The following SLC25A24 variants were observed in gnomAD, a reference collection of about 807,000 sequenced individuals.
SLC25A24 encodes mitochondrial adenyl nucleotide antiporter SLC25A24.
A neutral mutation model predicts 60.7 loss-of-function variants in SLC25A24; 49 were observed. The observed-to-expected ratio is 0.81, with a 90% CI of 0.64 to 1.02. The LOEUF (loss-of-function observed/expected upper bound fraction) is 1.02. Among genes scored for constraint, SLC25A24 ranks in the 50% least tolerant of loss-of-function variants. The probability of loss-of-function intolerance (pLI) is 0.00; values close to 1 mark genes in which losing one functional copy is unlikely to be tolerated. For synonymous variants in SLC25A24, 202 were observed against 200.6 expected (o/e 1.01, Z -0.06); for missense variants, 564 against 586.3 (o/e 0.96, Z 0.39).
At chr1:108,143,789 G>T in intron 7 of SLC25A24, 79 bp from the exon 8 acceptor site, 1 of 1,075,426 alleles carries the variant, frequency 9.3e-7, no homozygotes, top group Non-Finnish European at 1.4e-6. Flanking sequence ...AATTTTACAT[G>T]GAACAAATAC....
At chr1:108,184,409 G>A (rs1648047826) in intron 2 of SLC25A24, among the ~76,000 whole-genome samples, 1 of 152,212 alleles carries the variant, frequency 6.6e-6, no homozygotes, top group Admixed American at 6.5e-5. Flanking sequence ...ACTAAGGCTA[G>A]ACTTAGGGGC....
At chr1:108,146,557 A>G (rs1156809078) in intron 7 of SLC25A24, among the ~76,000 whole-genome samples, 1 of 152,216 alleles carries the variant, frequency 6.6e-6, no homozygotes, top group African/African-American at 2.4e-5. Context: ...TGGGTTTGTC[A>G]TAAACAGCTC....
chr1:108,163,087 C>A (rs1177969242), intron 3 of SLC25A24, among the ~76,000 whole-genome samples: 1 of 131,940 alleles, frequency 7.6e-6, no homozygotes, highest in Non-Finnish European at 1.6e-5. Context: ...TCAGGTTTGT[C>A]AAAGATCAGA....
intron 5 of SLC25A24, 119 bp downstream of exon 5, chr1:108,157,343 T>C (rs1679928772): frequency 3.7e-6 from 4 of 1,088,804 alleles, no homozygotes; most frequent in Non-Finnish European, 5.1e-6. Flanking sequence ...AATAGATTTA[T>C]TTTTTAGGGT....
chr1:108,175,747 C>T (rs1201616229), intron 3 of SLC25A24, among the ~76,000 whole-genome samples: 1 of 151,990 alleles, frequency 6.6e-6, no homozygotes, highest in African/African-American at 2.4e-5. Context: ...ATTCATATAG[C>T]TATGGAGAAA....
chr1:108,192,929 G>A (rs1648392059), intron 1 of SLC25A24: 1 of 335,342 alleles, frequency 3.0e-6, no homozygotes, highest in Non-Finnish European at 4.5e-6. Flanking sequence ...AGAAGCCCCG[G>A]CTCCCACTCC....
chr1:108,168,560 C>A (rs1187632553), intron 3 of SLC25A24, among the ~76,000 whole-genome samples: 5 of 152,184 alleles, frequency 3.3e-5, no homozygotes, highest in Admixed American at 6.5e-5. Context: ...ATAAGATAGT[C>A]TTGCTGTGGG....
intron 9 of SLC25A24, among the ~76,000 whole-genome samples, chr1:108,137,158 G>A (rs1046260460): frequency 6.6e-6 from 1 of 152,110 alleles, no homozygotes; most frequent in Non-Finnish European, 1.5e-5. Flanking sequence ...TAGAAAGATG[G>A]AGAAATTTGT....
chr1:108,163,694 G>A (rs575840076), intron 3 of SLC25A24, among the ~76,000 whole-genome samples: 189 of 151,506 alleles, frequency 1.2e-3, no homozygotes, highest in Admixed American at 3.1e-3. Context: ...ATTTTGGGCT[G>A]AGACAATGGG....
At chr1:108,142,348 T>A (rs1014288234) in intron 8 of SLC25A24, among the ~76,000 whole-genome samples, 3 of 152,170 alleles carry the variant, frequency 2.0e-5, no homozygotes, top group Non-Finnish European at 1.5e-5. Flanking sequence ...TTCACAATGT[T>A]GGAAAAGTAG....
chr1:108,156,085 GTTGGTCTGCAATA>G (rs1679891083), intron 5 of SLC25A24, among the ~76,000 whole-genome samples: 1 of 152,096 alleles, frequency 6.6e-6, no homozygotes, highest in Non-Finnish European at 1.5e-5. Context: ...AGCTTCCCTG[GTTGGTCTGCAATA>G]TTCCATGCCT....
In SLC25A24 at chr1:108,143,701, T is replaced by G. The variant is rs757193916; in HGVS notation, c.940A>C (p.Thr314Pro). 1 of 1,608,522 alleles carries G rather than the reference T, an allele frequency of 6.2e-7. No individual in the cohort carries two copies. Among genetic ancestry groups the G allele is most frequent in the South Asian group, 1.1e-5 (1 of 89,398 alleles). Residue 314 changes from threonine (T) to proline (P), a missense_variant, in exon 8 of 10, where the codon ACC (threonine) becomes CCC (proline). Physicochemically the swap from Thr to Pro is conservative, Grantham distance 38. Transcript: ENST00000565488. ...TFIYPMEVMKTRLAVGKTGQY... is the reference protein window; with the variant it reads ...TFIYPMEVMKPRLAVGKTGQY... ...CCAGTTTTGCCTACAGCCAGCCTGG[T>G]TTTCATAACCTGGATATAAAAAAAA...
intron 1 of SLC25A24, among the ~76,000 whole-genome samples, chr1:108,186,931 G>C (rs1648143389): frequency 1.3e-5 from 2 of 152,102 alleles, no homozygotes; most frequent in Admixed American, 1.3e-4. Context: ...TACAAAATTA[G>C]TTGGGCATGG....
rs1411835059 is a variant in SLC25A24, at chr1:108,136,551, T to C, written c.*102A>G. ...ACCATCTTCCCTTTTGTGAAAAAAA[T>C]GCAGCTTCTTTTGCCATAGACTTGT... On this transcript the variant is annotated 3_prime_UTR_variant, in exon 10 of 10. Transcript: ENST00000565488. 1.0e-6 allele frequency: 1 copy of C among 988,134 alleles called. No individual in the cohort carries two copies. The highest frequency in any genetic ancestry group is 1.5e-6 in the Non-Finnish European group (1 of 661,998). The allele number at this position is 988,134 out of a possible 1,614,324, so 61.2% of individuals were successfully genotyped here.
In SLC25A24 at chr1:108,200,047, A is replaced by G; in HGVS notation, c.92T>C (p.Leu31Pro). 1 of 1,606,848 alleles carries G rather than the reference A, an allele frequency of 6.2e-7. No homozygotes were observed. Among genetic ancestry groups the G allele is most frequent in the Non-Finnish European group, 8.5e-7 (1 of 1,177,238 alleles). Residue 31 changes from leucine to proline, a missense_variant, in exon 1 of 10, where the codon CTG (leucine) becomes CCG (proline). Physicochemically the swap from Leu to Pro is moderately conservative, Grantham distance 98 (BLOSUM62 -3). Coordinates refer to ENST00000565488, the MANE Select transcript of SLC25A24 (RefSeq NM_013386.5). The stretch of plus-strand genomic sequence containing the variant: ...CACCACTCCGTCCCCATTGCGGTCC[A>G]GTGCCTGGAAGAGGGTCTCGTAGCG... ...PTRYETLFQA[L>P]DRNGDGVVDI...
intron 2 of SLC25A24, among the ~76,000 whole-genome samples, chr1:108,184,973 A>G (rs966488961): frequency 3.9e-5 from 6 of 152,304 alleles, no homozygotes; most frequent in Admixed American, 2.6e-4. Context: ...GGTTACCTCT[A>G]GTGATGAGGG....
chr1:108,160,991 G>A (rs1471140237), intron 4 of SLC25A24, among the ~76,000 whole-genome samples, 191 bp downstream of exon 4: 2 of 152,082 alleles, frequency 1.3e-5, no homozygotes, highest in African/African-American at 4.8e-5. Context: ...GGGAGAGGGA[G>A]AGGGAGAGCT....
At chr1:108,144,277 T>C (rs1489941558) in intron 7 of SLC25A24, among the ~76,000 whole-genome samples, 2 of 152,182 alleles carry the variant, frequency 1.3e-5, no homozygotes, top group Admixed American at 6.5e-5. Flanking sequence ...CCCTCTGCTA[T>C]ATCAATAAAT....
At chr1:108,194,206 G>A (rs1648427495) in intron 1 of SLC25A24, among the ~76,000 whole-genome samples, 1 of 138,572 alleles carries the variant, frequency 7.2e-6, no homozygotes, top group Non-Finnish European at 1.6e-5. Flanking sequence ...GGAGGAGGTT[G>A]CACCATGGTT....
Sources: allele counts gnomAD v4.1 joint callset (sites outside exome capture counted in the v4.1 genomes callset), GRCh38; gene constraint gnomAD v4.1.1; transcripts MANE v1.5; gene names NCBI Gene and HGNC (gene_info 2026-07-23, HGNC 2026-07-21).